Variants in CNGB1 observed in about 807,000 individuals in gnomAD.
CNGB1 encodes cyclic nucleotide-gated channel beta-1.
Under a neutral mutation model 151.7 loss-of-function variants are expected in CNGB1, and 126 were observed. That is an observed-to-expected ratio of 0.83 (90% CI 0.72 to 0.96). CNGB1 has a LOEUF of 0.96. CNGB1 is among the 40% of genes least tolerant of loss of function. The pLI is 0.00. For missense variants in CNGB1, 1,698 were observed against 1,627.0 expected, an observed-to-expected ratio of 1.04 and a Z score of -0.75; for synonymous variants, 623 against 635.1, an observed-to-expected ratio of 0.98 and a Z score of 0.29.
chr16:57,935,795 G>C (rs1226567963), intron 16 of CNGB1, among the ~76,000 whole-genome samples: 1 of 151,786 alleles, frequency 6.6e-6, no homozygotes, highest in African/African-American at 2.4e-5. Flanking sequence ...CAATGATAGG[G>C]GTGGGCTGCT....
At position 57,958,435 on chromosome 16, in the gene CNGB1, A is replaced by T; in HGVS notation, c.812T>A (p.Val271Glu). Reference protein sequence around the residue: ...HRLEMALPQPVLHGKIGEQEP... With the variant: ...HRLEMALPQPELHGKIGEQEP... ...CTGTTCCCCTATTTTCCCATGTAGCACTGGCTGCGGCAAGGCCATCTCCAG... is the reference window on the plus strand; with the variant it reads ...CTGTTCCCCTATTTTCCCATGTAGCTCTGGCTGCGGCAAGGCCATCTCCAG... The change falls in exon 11 of 33, where the codon GTG becomes GAG. Residue 271 changes from valine (V) to glutamate (E), a missense_variant. By Grantham distance (121) the Val-to-Glu change is moderately radical. Coordinates refer to ENST00000251102, the MANE Select transcript of CNGB1 (RefSeq NM_001297.5). 1.3e-6 allele frequency: 2 copies of T among 1,592,922 alleles called. No homozygotes were observed. Among genetic ancestry groups the T allele is most frequent in the South Asian group, 2.2e-5 (2 of 90,548 alleles).
rs955804664 is a variant in CNGB1 at position 57,882,805 on chromosome 16, T to C, written c.*1359A>G. Reference sequence around the variant, plus strand: ...TTCTTTTTTTTTCTTTTTTCTTTTTTTTTTTTTGTCTGAATCATAAAAGCA... The same window carrying C: ...TTCTTTTTTTTTCTTTTTTCTTTTTCTTTTTTTGTCTGAATCATAAAAGCA... On this transcript the variant is annotated 3_prime_UTR_variant, in exon 33 of 33. Transcript: ENST00000251102. The C allele has an allele frequency of 6.6e-6, 1 of 151,494 alleles. No homozygotes were observed. Among genetic ancestry groups the C allele is most frequent in the South Asian group, 2.1e-4 (1 of 4,802 alleles). 9.4% of individuals were successfully genotyped at this position (151,494 alleles called of 1,614,324 possible).
At chr16:57,939,404 C>T in intron 16 of CNGB1, 26 bp downstream of exon 16, 2 of 1,613,880 alleles carry the variant, frequency 1.2e-6, no homozygotes, top group Middle Eastern at 1.6e-4. Flanking sequence ...TCTTGCGCAA[C>T]CCATCACCAC....
Position 57,962,566 on chromosome 16 carries a change from T to C in CNGB1, c.457A>G (p.Arg153Gly), listed in dbSNP as rs768035621. The change falls in exon 7 of 33, where the codon AGG (arginine) becomes GGG (glycine). Residue 153 changes from arginine to glycine, a missense_variant and splice_region_variant. Arg to Gly is a moderately radical substitution (Grantham distance 125). Transcript: ENST00000251102. Reference protein sequence around the residue: ...PNEALEAQDTRPGLRLLLWLE... With the variant: ...PNEALEAQDTGPGLRLLLWLE... Reference sequence around the variant, plus strand: ...TGACACTCAGGGATAGGGACTCACCTAGTGTCTTGGGCCTCAAGGGCCTCA... The same window carrying C: ...TGACACTCAGGGATAGGGACTCACCCAGTGTCTTGGGCCTCAAGGGCCTCA... 1 of 1,613,364 alleles carries C rather than the reference T, an allele frequency of 6.2e-7. No homozygotes were observed. Among genetic ancestry groups the C allele is most frequent in the Non-Finnish European group, 8.5e-7 (1 of 1,179,354 alleles).
chr16:57,931,843 C>T lies in CNGB1; in HGVS notation c.1408G>A (p.Glu470Lys), dbSNP rs1236478286. Residue 470 changes from glutamate (E) to lysine (K), a missense_variant, in exon 17 of 33, where the codon GAA becomes AAA. Coordinates refer to ENST00000251102, the MANE Select transcript of CNGB1 (RefSeq NM_001297.5). ...GGGCAGCTATCAGCATCAGTATCTT[C>T]CACCTGCACTTCTGGGTGCTGTTTC... is the stretch of plus-strand genomic sequence containing the variant. The part of the protein sequence containing the change: ...ATKQHPEVQV[E>K]DTDADSCPLM... 1 of 1,614,130 alleles carries T rather than the reference C, an allele frequency of 6.2e-7. No homozygotes were observed. The highest frequency in any genetic ancestry group is 1.3e-5 in the African/African-American group (1 of 75,014).
chr16:57,937,709 T>C (rs117533055), intron 16 of CNGB1, among the ~76,000 whole-genome samples: 2,127 of 152,320 alleles, frequency 0.014, 25 homozygotes, highest in Middle Eastern at 0.044. Context: ...CCTGGTAGAA[T>C]TTTCCAGTCC....
chr16:57,959,842 C>T (rs1962191360), intron 10 of CNGB1, 46 bp downstream of exon 10: 1 of 1,457,364 alleles, frequency 6.9e-7, no homozygotes. Flanking sequence ...GGACAAGGTG[C>T]TCATCCTGCT....
chr16:57,933,969 G>A (rs936725471), intron 16 of CNGB1, among the ~76,000 whole-genome samples: 3 of 151,770 alleles, frequency 2.0e-5, no homozygotes, highest in African/African-American at 7.3e-5. Flanking sequence ...GTGATCTGCC[G>A]GCCTTGGCCT....
chr16:57,900,760 G>A (rs891799691), intron 29 of CNGB1, among the ~76,000 whole-genome samples: 1 of 152,010 alleles, frequency 6.6e-6, no homozygotes, highest in African/African-American at 2.4e-5. Context: ...TGGACCCAGC[G>A]CTGGCAGATT....
intron 16 of CNGB1, among the ~76,000 whole-genome samples, chr16:57,938,219 G>A (rs566669854): frequency 6.6e-6 from 1 of 152,336 alleles, no homozygotes; most frequent in African/African-American, 2.4e-5. Flanking sequence ...ACTGAACCAA[G>A]CCTGCACCTG....
chr16:57,957,536 G>A (rs760959426), intron 11 of CNGB1, among the ~76,000 whole-genome samples, 159 bp from the exon 12 acceptor site: 4 of 152,230 alleles, frequency 2.6e-5, no homozygotes, highest in Non-Finnish European at 5.9e-5. Flanking sequence ...CAGGGCCAAT[G>A]AAGGATTTGA....
intron 14 of CNGB1, among the ~76,000 whole-genome samples, chr16:57,941,077 A>C (rs2149377042): frequency 6.6e-6 from 1 of 152,320 alleles, no homozygotes; most frequent in Middle Eastern, 3.4e-3. Context: ...TATGTTTCTA[A>C]GGTAAAGTTG....
chr16:57,886,864 C>T (rs580912), intron 32 of CNGB1, among the ~76,000 whole-genome samples: 142,279 of 152,236 alleles, frequency 0.93, 66,554 homozygotes, highest in African/African-American at 0.98. Context: ...GAGAGGTTTT[C>T]ACTTTCAAAT....
In CNGB1 at chr16:57,912,680, T is replaced by G. The variant is rs186001230; in HGVS notation, c.2369+250A>C. Among the ~76,000 whole-genome samples the G allele has an allele frequency of 3.0e-3, 454 of 150,410 alleles. 2 individuals carry two copies. The highest frequency in any genetic ancestry group is 9.8e-3 in the African/African-American group (400 of 40,904). On this transcript the variant is annotated intron_variant, in intron 24 of 32. Transcript: ENST00000251102. ...GTTGTGTGTGTTTGTGTGTGTTGTT[T>G]TGTGTTATATCTCTGTTGTGTGTGT...
intron 29 of CNGB1, among the ~76,000 whole-genome samples, chr16:57,898,120 A>G (rs1210952216): frequency 1.3e-5 from 2 of 152,158 alleles, no homozygotes; most frequent in African/African-American, 4.8e-5. Context: ...TGGAGGAGTG[A>G]CTACCCCATG....
chr16:57,897,047 T>C (rs1960248390), intron 31 of CNGB1, among the ~76,000 whole-genome samples: 1 of 152,194 alleles, frequency 6.6e-6, no homozygotes, highest in Non-Finnish European at 1.5e-5. Context: ...CTCACACCTG[T>C]AACCCCAGCA....
intron 17 of CNGB1, among the ~76,000 whole-genome samples, chr16:57,927,937 C>T (rs1422730157): frequency 6.6e-6 from 1 of 152,214 alleles, no homozygotes; most frequent in Non-Finnish European, 1.5e-5. Flanking sequence ...TGTCTCTTTT[C>T]TCTGTGTTAA....
At chr16:57,903,376 C>T (rs1285578095) in intron 27 of CNGB1, among the ~76,000 whole-genome samples, 8 of 151,806 alleles carry the variant, frequency 5.3e-5, no homozygotes, top group African/African-American at 7.3e-5. Context: ...CCTGTAATCC[C>T]AGCTATTTGG....
In CNGB1 at chr16:57,939,490, G is replaced by A. The variant is rs776632878; in HGVS notation, c.1312C>T (p.Gln438Ter). Residue 438 changes from glutamine (Q) to a stop codon, truncating the protein, a stop_gained, in exon 16 of 33, where the codon CAG becomes TAG. Transcript: ENST00000251102. LOFTEE classifies it high-confidence loss of function. ...TCCTCCTTGGTCTCCGCCCAGTCCT[G>A]GGGCTCCTTTTCAGCCTCCTCTTCA... Reference protein sequence around the residue: ...VAEEEAEKEPQDWAETKEEPE... With the variant: ...VAEEEAEKEP 2.5e-6 allele frequency: 4 copies of A among 1,613,904 alleles called. No homozygotes were observed. The highest frequency in any genetic ancestry group is 2.7e-5 in the African/African-American group (2 of 74,904).
Sources: allele counts gnomAD v4.1 joint callset (sites outside exome capture counted in the v4.1 genomes callset), GRCh38; gene constraint gnomAD v4.1.1; transcripts MANE v1.5; gene names NCBI Gene and HGNC (gene_info 2026-07-23, HGNC 2026-07-21).